Variants in TRERF1 observed in about 807,000 individuals in gnomAD.
The protein encoded by TRERF1 is transcriptional regulating factor 1, also known as transcriptional-regulating factor 1.
Under a neutral mutation model 122.9 loss-of-function variants are expected in TRERF1, and 27 were observed. That is an observed-to-expected ratio of 0.22 (90% CI 0.16 to 0.30). The LOEUF (loss-of-function observed/expected upper bound fraction) is 0.30, where lower values mean the gene tolerates loss of function less well. Among genes scored for constraint, TRERF1 ranks in the 10% least tolerant of loss-of-function variants. The pLI, the probability that TRERF1 is intolerant of heterozygous loss-of-function variation, is 1.00. For missense variants in TRERF1, 1,248 were observed against 1,560.3 expected, an observed-to-expected ratio of 0.80 and a Z score of 3.37; for synonymous variants, 636 against 641.7, an observed-to-expected ratio of 0.99 and a Z score of 0.13.
In TRERF1 at chr6:42,268,148, G is replaced by T; in HGVS notation, c.1437+6C>A. ...GTATTGAGAGAAACTTCCAATGGGA[G>T]AATACCTGGGGCCACATGGCACTGG... is the stretch of plus-strand genomic sequence containing the variant. On this transcript the variant is annotated splice_donor_region_variant and intron_variant, in intron 5 of 17. Transcript: ENST00000372922. This position sits in a 1 kb window ranked among gnomAD's most constrained non-coding sequence, Gnocchi z 4.4. The T allele has an allele frequency of 1.4e-6, 2 of 1,445,688 alleles. No individual in the cohort carries two copies. Among genetic ancestry groups the T allele is most frequent in the Non-Finnish European group, 1.8e-6 (2 of 1,097,592 alleles). The allele number at this position is 1,445,688 out of a possible 1,614,324, so 89.6% of individuals were successfully genotyped here. A position where few individuals can be genotyped will look rare whatever the true frequency, so the allele number is the denominator to read the frequency against.
chr6:42,374,262 G>A lies in TRERF1; in HGVS notation c.-453-11183C>T, dbSNP rs113638597. Among the ~76,000 whole-genome samples the A allele has an allele frequency of 2.4e-4, 37 of 152,280 alleles. 2 individuals are homozygous for A. The highest frequency in any genetic ancestry group is 8.7e-4 in the African/African-American group (36 of 41,546). ...CTTGCCCCTACACACTCTGTTCTCT[G>A]CCCTTCCTGGACCACTGGCTATATC... On this transcript the variant is annotated intron_variant, in intron 2 of 17. Transcript: ENST00000372922.
chr6:42,339,949 T>C (rs913275601), intron 3 of TRERF1, among the ~76,000 whole-genome samples: 5 of 152,220 alleles, frequency 3.3e-5, no homozygotes, highest in Non-Finnish European at 7.3e-5. Context: ...CAAACCAACA[T>C]GTTTTCTGCG....
chr6:42,435,981 A>AAAAT (rs561528799), intron 2 of TRERF1, among the ~76,000 whole-genome samples: 111 of 151,858 alleles, frequency 7.3e-4, no homozygotes, highest in African/African-American at 2.3e-3. Context: ...CTCCATCTCA[A>AAAAT]AAATAAATAA....
chr6:42,308,942 GTT>G (rs1255715960), intron 3 of TRERF1, among the ~76,000 whole-genome samples: 1 of 119,198 alleles, frequency 8.4e-6, no homozygotes, highest in East Asian at 2.6e-4. Flanking sequence ...TAAAATAAAA[GTT>G]AAACATTTTT....
At chr6:42,330,309 G>A (rs1765033063) in intron 3 of TRERF1, among the ~76,000 whole-genome samples, 1 of 152,160 alleles carries the variant, frequency 6.6e-6, no homozygotes, top group Admixed American at 6.5e-5. Context: ...GAATGTGGAG[G>A]AAACATGTAT....
At chr6:42,240,182 C>A (rs1204627964) in intron 15 of TRERF1, among the ~76,000 whole-genome samples, 1 of 152,188 alleles carries the variant, frequency 6.6e-6, no homozygotes, top group African/African-American at 2.4e-5. Context: ...CCAGTGAATT[C>A]ACAGAAGGAA....
intron 2 of TRERF1, among the ~76,000 whole-genome samples, chr6:42,374,710 T>C (rs1433747737): frequency 6.6e-6 from 1 of 151,978 alleles, no homozygotes; most frequent in African/African-American, 2.4e-5. Context: ...CGGCAGTGTT[T>C]AAGACATAAG....
intron 3 of TRERF1, among the ~76,000 whole-genome samples, chr6:42,340,246 A>G (rs542353191): frequency 9.2e-5 from 14 of 152,096 alleles, no homozygotes; most frequent in Non-Finnish European, 1.5e-4. Context: ...ACACCACCCC[A>G]TTACTGCTCT....
At chr6:42,423,602 T>A (rs1399589703) in intron 2 of TRERF1, among the ~76,000 whole-genome samples, 1 of 152,048 alleles carries the variant, frequency 6.6e-6, no homozygotes, top group Admixed American at 6.6e-5. Context: ...GTTTCCCATA[T>A]CCTATCTGCA....
At chr6:42,290,478 T>C (rs1482899718) in intron 4 of TRERF1, among the ~76,000 whole-genome samples, 2 of 152,076 alleles carry the variant, frequency 1.3e-5, no homozygotes, top group African/African-American at 2.4e-5. Context: ...CTCTAAATCA[T>C]CCAAGTGTGT....
chr6:42,262,609 C>CAGACAGACAGACAGAG (rs878980808), intron 8 of TRERF1, among the ~76,000 whole-genome samples: 2 of 19,038 alleles, frequency 1.1e-4, no homozygotes, highest in Admixed American at 5.9e-4. Context: ...GACAGACAGA[C>CAGACAGACAGACAGAG]GGAAACCCTT....
intron 4 of TRERF1, among the ~76,000 whole-genome samples, chr6:42,273,079 C>T (rs950936211): frequency 1.1e-4 from 16 of 152,180 alleles, no homozygotes; most frequent in Admixed American, 9.2e-4. Context: ...GGGTATCCTT[C>T]AGATCTCAGC....
chr6:42,302,495 A>C (rs1786398541), intron 3 of TRERF1, among the ~76,000 whole-genome samples: 1 of 152,258 alleles, frequency 6.6e-6, no homozygotes, highest in East Asian at 1.9e-4. Context: ...TTTTAAATGC[A>C]AACACACATA....
At chr6:42,401,895 A>G (rs759718143) in intron 2 of TRERF1, among the ~76,000 whole-genome samples, 1 of 152,264 alleles carries the variant, frequency 6.6e-6, no homozygotes. Context: ...GCAGGCAGAC[A>G]GGAGCCAACT....
intron 2 of TRERF1, among the ~76,000 whole-genome samples, chr6:42,426,056 G>T (rs190809920): frequency 5.3e-5 from 8 of 152,270 alleles, no homozygotes; most frequent in African/African-American, 1.9e-4. Flanking sequence ...CAAGATGCTA[G>T]GTGTCACCCA....
chr6:42,444,972 A>G (rs1057467660), intron 2 of TRERF1, among the ~76,000 whole-genome samples: 1 of 152,016 alleles, frequency 6.6e-6, no homozygotes, highest in African/African-American at 2.4e-5. Context: ...GACAGATTCC[A>G]TTTTGCCAAA....
chr6:42,256,312 T>C (rs913871167), intron 12 of TRERF1, among the ~76,000 whole-genome samples: 2 of 152,076 alleles, frequency 1.3e-5, no homozygotes, highest in Non-Finnish European at 2.9e-5. Context: ...AAAAGAGTTC[T>C]ATAAACATCA....
intron 4 of TRERF1, among the ~76,000 whole-genome samples, chr6:42,292,046 A>C (rs1784406345): frequency 6.6e-6 from 1 of 152,178 alleles, no homozygotes; most frequent in Admixed American, 6.5e-5. Flanking sequence ...CAATTTTGAC[A>C]TCTGTAAAAC....
At chr6:42,236,180 C>A (rs763664996) in intron 16 of TRERF1, 25 bp downstream of exon 16, 3 of 1,539,530 alleles carry the variant, frequency 1.9e-6, no homozygotes, top group African/African-American at 1.4e-5. Flanking sequence ...TGTCCCAGAT[C>A]CCCAGACGAC....
Sources: allele counts gnomAD v4.1 joint callset (sites outside exome capture counted in the v4.1 genomes callset), GRCh38; gene constraint gnomAD v4.1.1; non-coding constraint Gnocchi (gnomAD v3.1); transcripts MANE v1.5; gene names NCBI Gene and HGNC (gene_info 2026-07-23, HGNC 2026-07-21).